The following MPP7 variants were observed in gnomAD, a reference collection of about 807,000 sequenced individuals.
MPP7 encodes the protein MAGUK p55 scaffold protein 7, also known as MAGUK p55 subfamily member 7.
MPP7 carries 60 observed loss-of-function variants against 76.5 expected under a neutral mutation model. That is an observed-to-expected ratio of 0.78 (90% confidence interval 0.64 to 0.97). The LOEUF is 0.97. MPP7 is among the 50% of genes least tolerant of loss of function. The pLI is 0.00. For missense variants in MPP7, 641 were observed against 694.0 expected, an observed-to-expected ratio of 0.92 and a Z score of 0.86; for synonymous variants, 237 against 244.5, an observed-to-expected ratio of 0.97 and a Z score of 0.29.
Position 28,054,030 on chromosome 10 carries a change from C to G in MPP7, c.*35G>C. The G allele has an allele frequency of 6.5e-7, 1 of 1,537,998 alleles. No homozygotes were observed. ...ACTGTAATTGATTTCATCATGCACT[C>G]TATAGAAAAAGACAATTATGGAAAT... On this transcript the variant is annotated 3_prime_UTR_variant, in exon 17 of 17. Transcript: ENST00000683449.
At chr10:28,127,889 T>A (rs978169588) in intron 6 of MPP7, among the ~76,000 whole-genome samples, 1 of 152,184 alleles carries the variant, frequency 6.6e-6, no homozygotes, top group Non-Finnish European at 1.5e-5. Context: ...GAATAAAGAC[T>A]GGACGGAGGT....
At chr10:28,080,439 C>A (rs1457183972) in intron 12 of MPP7, among the ~76,000 whole-genome samples, 2 of 152,200 alleles carry the variant, frequency 1.3e-5, no homozygotes, top group African/African-American at 4.8e-5. Context: ...GTCCCCAACT[C>A]TCCATTCCCC....
chr10:28,173,701 T>C (rs967843935), intron 3 of MPP7, among the ~76,000 whole-genome samples: 4 of 152,154 alleles, frequency 2.6e-5, no homozygotes, highest in Non-Finnish European at 5.9e-5. Flanking sequence ...CATTCTTAAG[T>C]AGCAAATATT....
At chr10:28,182,924 A>G (rs1837105695) in intron 3 of MPP7, among the ~76,000 whole-genome samples, 1 of 152,160 alleles carries the variant, frequency 6.6e-6, no homozygotes, top group African/African-American at 2.4e-5. Context: ...CTAAAAATAC[A>G]AAAATCAGCC....
rs1340805641 is a variant in MPP7 at position 28,051,849 on chromosome 10, C to G, written c.*2216G>C. 6.8e-6 allele frequency: 1 copy of G among 147,556 alleles called. No individual in the cohort carries two copies. The highest frequency in any genetic ancestry group is 1.5e-5 in the Non-Finnish European group (1 of 67,214). The allele number at this position is 147,556 out of a possible 1,614,324, so 9.1% of individuals were successfully genotyped here. A position where few individuals can be genotyped will look rare whatever the true frequency, so the allele number is the denominator to read the frequency against. On this transcript the variant is annotated 3_prime_UTR_variant, in exon 17 of 17. Coordinates refer to ENST00000683449, the MANE Select transcript of MPP7 (RefSeq NM_001318170.2). ...GGAGGATTGCTTGAGCCCAGGAGTT[C>G]AAGACCAGCCTGAGCAACATGGCAA...
chr10:28,319,271 C>G (rs1400156025), intron 2 of MPP7, among the ~76,000 whole-genome samples: 1 of 152,166 alleles, frequency 6.6e-6, no homozygotes, highest in East Asian at 1.9e-4. Flanking sequence ...AAATCCACCC[C>G]ATGATCCAAT....
At chr10:28,115,532 G>C (rs1164382030) in intron 11 of MPP7, among the ~76,000 whole-genome samples, 1 of 152,134 alleles carries the variant, frequency 6.6e-6, no homozygotes, top group Non-Finnish European at 1.5e-5. Context: ...GTTTGTTTCT[G>C]AATTAACTTT....
intron 11 of MPP7, among the ~76,000 whole-genome samples, chr10:28,098,418 T>C (rs1853667044): frequency 6.6e-6 from 1 of 151,846 alleles, no homozygotes; most frequent in East Asian, 1.9e-4. Flanking sequence ...AGAAAATATG[T>C]TTTTTAAAAA....
intron 2 of MPP7, among the ~76,000 whole-genome samples, chr10:28,321,520 T>C (rs918085985): frequency 6.6e-6 from 1 of 152,330 alleles, no homozygotes; most frequent in Non-Finnish European, 1.5e-5. Context: ...GTCTGCCTCA[T>C]GTCAAAGTCA....
intron 12 of MPP7, among the ~76,000 whole-genome samples, chr10:28,081,888 G>C (rs1852781403): frequency 6.6e-6 from 1 of 151,956 alleles, no homozygotes; most frequent in African/African-American, 2.4e-5. Flanking sequence ...AAATACCTGG[G>C]ACTACAGGTG....
intron 1 of MPP7, among the ~76,000 whole-genome samples, chr10:28,267,924 T>C (rs982294439): frequency 4.0e-5 from 6 of 151,740 alleles, no homozygotes; most frequent in African/African-American, 9.7e-5. Flanking sequence ...TAATCCCAGC[T>C]ATTCGGGAGG....
intron 3 of MPP7, among the ~76,000 whole-genome samples, chr10:28,156,980 C>T (rs948010876): frequency 1.3e-5 from 2 of 152,030 alleles, no homozygotes; most frequent in African/African-American, 2.4e-5. Flanking sequence ...GAGGCCGAGG[C>T]AAGAGGATCA....
At chr10:28,267,029 T>C (rs1840168844) in intron 1 of MPP7, among the ~76,000 whole-genome samples, 1 of 152,232 alleles carries the variant, frequency 6.6e-6, no homozygotes. Context: ...GTATGCCGTG[T>C]GCCATCTGTT....
chr10:28,227,835 C>CAAAGGATT (rs1384194108), intron 2 of MPP7, among the ~76,000 whole-genome samples: 2 of 152,106 alleles, frequency 1.3e-5, no homozygotes, highest in Non-Finnish European at 2.9e-5. Flanking sequence ...GGTATATACC[C>CAAAGGATT]AGTAATGAGA....
At chr10:28,078,983 T>C (rs1419939484) in intron 12 of MPP7, among the ~76,000 whole-genome samples, 2 of 152,192 alleles carry the variant, frequency 1.3e-5, no homozygotes, top group Non-Finnish European at 2.9e-5. Context: ...TTAAAAAGGT[T>C]AAAAATCTAT....
chr10:28,152,158 T>A (rs977025547), intron 3 of MPP7, among the ~76,000 whole-genome samples: 1 of 152,202 alleles, frequency 6.6e-6, no homozygotes, highest in Non-Finnish European at 1.5e-5. Context: ...CTGAGCGTCT[T>A]TCACAAATAG....
intron 4 of MPP7, among the ~76,000 whole-genome samples, chr10:28,147,959 G>C (rs76711910): frequency 0.028 from 4,269 of 152,202 alleles, 170 homozygotes; most frequent in African/African-American, 0.095. Flanking sequence ...GAATGAGGTG[G>C]TGAAATCCAC....
At chr10:28,141,257 C>A (rs1178424321) in intron 5 of MPP7, among the ~76,000 whole-genome samples, 1 of 151,858 alleles carries the variant, frequency 6.6e-6, no homozygotes, top group Non-Finnish European at 1.5e-5. Context: ...AAACCAGCCA[C>A]AAACATCATA....
intron 1 of MPP7, among the ~76,000 whole-genome samples, chr10:28,270,531 A>AGG (rs1442958094): frequency 7.9e-5 from 2 of 25,342 alleles, no homozygotes; most frequent in East Asian, 4.3e-3. Context: ...AAAAAAAAAA[A>AGG]AGGGGGGGGG....
Sources: gnomAD v4.1 joint callset for allele counts (sites outside exome capture counted in the v4.1 genomes callset) on GRCh38, gnomAD v4.1.1 for gene constraint, MANE v1.5 for transcripts, NCBI Gene and HGNC (gene_info 2026-07-23, HGNC 2026-07-21) for gene names.